The following DPH6 variants were observed in gnomAD, a reference collection of about 807,000 sequenced individuals.
DPH6 encodes diphthamine biosynthesis 6.
A neutral mutation model predicts 38.2 loss-of-function variants in DPH6; 33 were observed. That is an observed-to-expected ratio of 0.86 (90% CI 0.65 to 1.15). The LOEUF (loss-of-function observed/expected upper bound fraction) is 1.15. Among genes scored for constraint, DPH6 ranks in the 50% most tolerant of loss-of-function variants. The probability of loss-of-function intolerance (pLI) is 0.00; values close to 1 mark genes in which losing one functional copy is unlikely to be tolerated. For synonymous variants in DPH6, 108 were observed against 103.0 expected, an observed-to-expected ratio of 1.05 and a Z score of -0.30; for missense variants, 325 against 320.0, an observed-to-expected ratio of 1.02 and a Z score of -0.12.
the DPH6 span, among the ~76,000 whole-genome samples, chr15:35,192,641 G>C: frequency 1.3e-5 from 2 of 151,986 alleles, no homozygotes; most frequent in Admixed American, 6.6e-5. Flanking sequence ...CAATAATTTG[G>C]GATTAAGCTT....
chr15:35,365,020 T>C (rs1433275519), intron 3 of DPH6, among the ~76,000 whole-genome samples: 1 of 152,112 alleles, frequency 6.6e-6, no homozygotes, highest in East Asian at 1.9e-4. Flanking sequence ...TCCAGTTCAC[T>C]GAATTGCTCT....
intron 5 of DPH6, among the ~76,000 whole-genome samples, chr15:35,429,571 TC>T (rs2141029458): frequency 6.6e-6 from 1 of 152,214 alleles, no homozygotes. Context: ...AGGGTCCTTT[TC>T]CCATGTTGAT....
chr15:35,319,602 G>A (rs74873306), intron 3 of DPH6, among the ~76,000 whole-genome samples: 2 of 152,010 alleles, frequency 1.3e-5, no homozygotes, highest in Non-Finnish European at 2.9e-5. Flanking sequence ...TTAGCCAGGC[G>A]TGTTGGTGCG....
intron 3 of DPH6, among the ~76,000 whole-genome samples, chr15:35,534,803 C>T (rs923008812): frequency 6.6e-6 from 1 of 152,122 alleles, no homozygotes; most frequent in East Asian, 1.9e-4. Context: ...ATTGGCTTTG[C>T]AATATTTTGT....
At chr15:35,236,146 T>C (rs964195303) in intron 3 of DPH6, among the ~76,000 whole-genome samples, 1 of 152,234 alleles carries the variant, frequency 6.6e-6, no homozygotes, top group Admixed American at 6.5e-5. Flanking sequence ...GTCAGCATTA[T>C]ATACTCATGG....
At chr15:35,368,318 T>C (rs1035633172), downstream of DPH6, among the ~76,000 whole-genome samples, 10 of 151,802 alleles carry the variant, frequency 6.6e-5, no homozygotes, top group Admixed American at 6.6e-4. Context: ...TGGTTCAGTA[T>C]CACTAGAGCA....
chr15:35,278,599 G>A (rs1647799351), intron 3 of DPH6, among the ~76,000 whole-genome samples: 1 of 152,244 alleles, frequency 6.6e-6, no homozygotes, highest in South Asian at 2.1e-4. Flanking sequence ...AAGAATGGTA[G>A]AGGCAGCAGC....
chr15:35,430,579 A>G (rs76015239), intron 5 of DPH6, among the ~76,000 whole-genome samples: 3,969 of 152,086 alleles, frequency 0.026, 87 homozygotes, highest in African/African-American at 0.058. Flanking sequence ...TTTTAATCTA[A>G]TCATGATCTA....
chr15:35,375,184 A>T (rs1318911715), intron 7 of DPH6, among the ~76,000 whole-genome samples: 1 of 152,078 alleles, frequency 6.6e-6, no homozygotes, highest in Non-Finnish European at 1.5e-5. Context: ...CATGTCAGTT[A>T]TCACCACTAG....
the DPH6 span, among the ~76,000 whole-genome samples, chr15:35,205,410 G>A: frequency 6.6e-6 from 1 of 151,934 alleles, no homozygotes; most frequent in African/African-American, 2.4e-5. Flanking sequence ...ACCTTGAATG[G>A]GATATGTTTA....
At chr15:35,404,828 T>A (rs2053269861) in intron 6 of DPH6, among the ~76,000 whole-genome samples, 1 of 152,114 alleles carries the variant, frequency 6.6e-6, no homozygotes. Flanking sequence ...AGTTCCCCAA[T>A]GTGTTCTTGT....
chr15:35,238,043 G>A, intron 3 of DPH6: 3 of 1,563,160 alleles, frequency 1.9e-6, no homozygotes, highest in African/African-American at 2.7e-5. Flanking sequence ...ACCTGAAGAT[G>A]AGGGAGAAGA....
chr15:35,522,397 T>A, intron 3 of DPH6: 2 of 960,492 alleles, frequency 2.1e-6, no homozygotes, highest in Admixed American at 2.8e-5. Context: ...TATTCAGTAT[T>A]AATACAACAG....
At chr15:35,454,629 C>T (rs949715740) in intron 4 of DPH6, 118 bp downstream of exon 4, 1 of 790,692 alleles carries the variant, frequency 1.3e-6, no homozygotes, top group Non-Finnish European at 2.0e-6. Context: ...ACATTTAGTT[C>T]CATGGAGCAC....
rs535173685 is a variant in DPH6 at position 35,280,188 on chromosome 15, T to C, written n.201-59606A>G. On this transcript the variant is annotated intron_variant and non_coding_transcript_variant, in intron 3 of 3. Coordinates refer to the DPH6 transcript ENST00000560386. ...TAAATCTTTCCTATCATTATTATTC[T>C]GATTTTGGTTCCTGGGTCTAGTTCC... Among the ~76,000 whole-genome samples, 100 of 152,374 alleles carry C rather than the reference T, an allele frequency of 6.6e-4. 1 individual carries two copies. The highest frequency in any genetic ancestry group is 9.8e-4 in the Admixed American group (15 of 15,312).
At chr15:35,342,447 G>A (rs761105763) in intron 3 of DPH6, among the ~76,000 whole-genome samples, 3 of 152,162 alleles carry the variant, frequency 2.0e-5, no homozygotes, top group Non-Finnish European at 4.4e-5. Flanking sequence ...GCTCCCGGGT[G>A]GGCTGTTGTT....
chr15:35,388,486 T>G (rs1202305323), intron 6 of DPH6, among the ~76,000 whole-genome samples: 1 of 152,208 alleles, frequency 6.6e-6, no homozygotes, highest in Non-Finnish European at 1.5e-5. Context: ...CTGTTTTTAT[T>G]GGTAAGCTAT....
chr15:35,299,194 T>TG, intron 3 of DPH6: 1 of 1,364,196 alleles, frequency 7.3e-7, no homozygotes, highest in South Asian at 1.2e-5. Context: ...GAAAACCCAC[T>TG]GGGAACAGGA....
chr15:35,525,534 A>T (rs1279015956), intron 3 of DPH6, among the ~76,000 whole-genome samples: 1 of 152,178 alleles, frequency 6.6e-6, no homozygotes, highest in Non-Finnish European at 1.5e-5. Flanking sequence ...CTAATTATTG[A>T]GTATTCATGA....
Sources: allele counts gnomAD v4.1 joint callset (sites outside exome capture counted in the v4.1 genomes callset), GRCh38; gene constraint gnomAD v4.1.1; transcripts MANE v1.5; gene names NCBI Gene and HGNC (gene_info 2026-07-23, HGNC 2026-07-21).